UBE2W: variants seen among roughly 807,000 people sequenced by gnomAD.
UBE2W encodes ubiquitin conjugating enzyme E2 W, also known as ubiquitin-conjugating enzyme E2 W.
UBE2W carries 18 observed loss-of-function variants against 27.2 expected under a neutral mutation model. The ratio of observed to expected loss-of-function variants is 0.66; its 90% confidence interval spans 0.46 to 0.98. UBE2W has a LOEUF of 0.98. Ranked by LOEUF, UBE2W falls within the 50% of genes least tolerant of loss-of-function variation. The pLI is 0.00. For missense variants in UBE2W, 90 were observed against 180.2 expected, an observed-to-expected ratio of 0.50 and a Z score of 2.87; for synonymous variants, 53 against 57.2, an observed-to-expected ratio of 0.93 and a Z score of 0.33.
chr8:73,862,670 CCTACTCAT>C (rs1446272097), intron 1 of UBE2W, among the ~76,000 whole-genome samples: 10 of 134,580 alleles, frequency 7.4e-5, no homozygotes, highest in South Asian at 2.6e-4. Context: ...ATTTTCGCAA[CCTACTCAT>C]CTGACAAAGG....
chr8:73,863,601 T>G (rs75943034), intron 1 of UBE2W, among the ~76,000 whole-genome samples: 13 of 122,112 alleles, frequency 1.1e-4, no homozygotes, highest in African/African-American at 3.7e-4. Context: ...GAAAAAAAAA[T>G]ACAAAAAATA....
At chr8:73,813,553 G>A (rs1177319082) in intron 3 of UBE2W, among the ~76,000 whole-genome samples, 2 of 152,222 alleles carry the variant, frequency 1.3e-5, no homozygotes, top group African/African-American at 4.8e-5. Context: ...CAAAACCAGG[G>A]GAATTGCATG....
chr8:73,848,572 T>C (rs1166455610), intron 1 of UBE2W, among the ~76,000 whole-genome samples: 1 of 152,032 alleles, frequency 6.6e-6, no homozygotes, highest in Non-Finnish European at 1.5e-5. Context: ...GTGGTCTCAA[T>C]TACTCAGCAG....
chr8:73,858,917 T>C (rs1158690688), intron 1 of UBE2W, among the ~76,000 whole-genome samples: 1 of 150,832 alleles, frequency 6.6e-6, no homozygotes, highest in East Asian at 1.9e-4. Context: ...TGTTGGTTTT[T>C]TTGCTTTCTT....
chr8:73,877,993 T>C (rs1200697557), intron 1 of UBE2W, among the ~76,000 whole-genome samples: 2 of 151,370 alleles, frequency 1.3e-5, no homozygotes, highest in Non-Finnish European at 3.0e-5. Flanking sequence ...ACTAAAGGTC[T>C]GGGAATAAGG....
intron 5 of UBE2W, among the ~76,000 whole-genome samples, chr8:73,801,049 C>T (rs1808619035): frequency 6.6e-6 from 1 of 152,070 alleles, no homozygotes; most frequent in Admixed American, 6.5e-5. Flanking sequence ...AAGATGGCGC[C>T]ACTGCACTCC....
intron 1 of UBE2W, among the ~76,000 whole-genome samples, chr8:73,847,991 C>A (rs1296502755): frequency 6.6e-6 from 1 of 151,750 alleles, no homozygotes; most frequent in African/African-American, 2.4e-5. Flanking sequence ...CACCTGAGGT[C>A]GGGAGTTTGA....
chr8:73,858,314 TTA>T (rs1477487962), intron 1 of UBE2W, among the ~76,000 whole-genome samples: 1 of 144,718 alleles, frequency 6.9e-6, no homozygotes, highest in Non-Finnish European at 1.5e-5. Context: ...TGAGCCGAGA[TTA>T]TGTCATTGCA....
chr8:73,783,761 A>G (rs946682567), downstream of UBE2W, among the ~76,000 whole-genome samples: 4 of 152,152 alleles, frequency 2.6e-5, no homozygotes, highest in Non-Finnish European at 2.9e-5. Context: ...TCAAAACTTT[A>G]TAACATGGTT....
intron 3 of UBE2W, among the ~76,000 whole-genome samples, chr8:73,822,315 A>G (rs1248888036): frequency 6.6e-6 from 1 of 152,138 alleles, no homozygotes; most frequent in African/African-American, 2.4e-5. Flanking sequence ...AGGCCGACAA[A>G]GAATCCCTAA....
chr8:73,827,605 C>T (rs777098402), intron 2 of UBE2W, among the ~76,000 whole-genome samples: 1 of 152,176 alleles, frequency 6.6e-6, no homozygotes, highest in Non-Finnish European at 1.5e-5. Context: ...TCAGGGCTCA[C>T]TGCAGCCTTG....
chr8:73,788,153 A>G lies in UBE2W; in HGVS notation c.*5949T>C. On this transcript the variant is annotated 3_prime_UTR_variant, in exon 6 of 6. Transcript: ENST00000602593. ...TCCAATAACAACTGCTTTATTATTA[A>G]AAGTTATGAAATTCCATAAAGCAAA... The G allele has an allele frequency of 3.1e-6, 3 of 978,854 alleles. No individual in the cohort carries two copies. Among genetic ancestry groups the G allele is most frequent in the Middle Eastern group, 5.3e-4 (1 of 1,904 alleles). 60.6% of individuals were successfully genotyped at this position (978,854 alleles called of 1,614,324 possible).
At chr8:73,826,022 CAG>C (rs1178553424) in intron 2 of UBE2W, among the ~76,000 whole-genome samples, 1 of 152,050 alleles carries the variant, frequency 6.6e-6, no homozygotes, top group Non-Finnish European at 1.5e-5. Flanking sequence ...CCGTAGCTGT[CAG>C]ACTTATTTTT....
intron 4 of UBE2W, among the ~76,000 whole-genome samples, chr8:73,809,141 G>T (rs962064115): frequency 6.6e-6 from 1 of 152,118 alleles, no homozygotes; most frequent in Admixed American, 6.5e-5. Flanking sequence ...TGTGTTGGGG[G>T]TGGGTGAGAG....
chr8:73,861,167 A>G (rs184208234), intron 1 of UBE2W, among the ~76,000 whole-genome samples: 6 of 152,278 alleles, frequency 3.9e-5, no homozygotes, highest in East Asian at 1.9e-4. Context: ...AAAGTCACTA[A>G]TAATAGTTGC....
At chr8:73,799,045 T>C (rs1421376991) in intron 5 of UBE2W, among the ~76,000 whole-genome samples, 5 of 152,140 alleles carry the variant, frequency 3.3e-5, no homozygotes, top group South Asian at 2.1e-4. Flanking sequence ...AAAGCAGGTA[T>C]GACTTCAATT....
At chr8:73,785,560 C>T (rs1355343140), downstream of UBE2W, among the ~76,000 whole-genome samples, 1 of 152,134 alleles carries the variant, frequency 6.6e-6, no homozygotes, top group Non-Finnish European at 1.5e-5. Flanking sequence ...ATAGCGAACA[C>T]AGTACCTAAT....
At chr8:73,852,168 G>C (rs1378146770) in intron 1 of UBE2W, among the ~76,000 whole-genome samples, 1 of 152,004 alleles carries the variant, frequency 6.6e-6, no homozygotes, top group Admixed American at 6.6e-5. Context: ...AGTTCCCTGT[G>C]AACATTGAGA....
chr8:73,803,956 C>T (rs1808758910), intron 5 of UBE2W, among the ~76,000 whole-genome samples: 1 of 150,540 alleles, frequency 6.6e-6, no homozygotes, highest in Admixed American at 6.6e-5. Context: ...TTAGTAGAGA[C>T]AGGGTTTCAC....
Sources: gnomAD v4.1 joint callset for allele counts (sites outside exome capture counted in the v4.1 genomes callset) on GRCh38, gnomAD v4.1.1 for gene constraint, MANE v1.5 for transcripts, NCBI Gene and HGNC (gene_info 2026-07-23, HGNC 2026-07-21) for gene names.